The following CFAP99 variants were observed in gnomAD, a reference collection of about 807,000 sequenced individuals.
CFAP99 encodes the protein cilia and flagella associated protein 99, also known as cilia- and flagella-associated protein 99.
A neutral mutation model predicts 82.7 loss-of-function variants in CFAP99; 84 were observed. The ratio of observed to expected loss-of-function variants is 1.02; its 90% CI spans 0.85 to 1.22. The LOEUF is 1.22. Among genes scored for constraint, CFAP99 ranks in the 50% most tolerant of loss-of-function variants. CFAP99 has a pLI of 0.00. For missense variants in CFAP99, 1,059 were observed against 983.5 expected (o/e 1.08, Z -1.03); for synonymous variants, 456 against 429.5 (o/e 1.06, Z -0.76).
chr4:2,423,652 G>A (rs1733626796), intron 1 of CFAP99, among the ~76,000 whole-genome samples: 1 of 152,152 alleles, frequency 6.6e-6, no homozygotes, highest in African/African-American at 2.4e-5. Context: ...TGAAGGGGGT[G>A]GGAACCCTCA....
intron 8 of CFAP99, chr4:2,450,395 GGAGCACGGCCCCGCTGGGT>G (rs1228671476): frequency 3.3e-6 from 1 of 305,420 alleles, no homozygotes; most frequent in East Asian, 7.9e-5. Context: ...GGCTCACTCA[GGAGCACGGCCCCGCTGGGT>G]GGCAAGGGTC....
intron 1 of CFAP99, 125 bp from the exon 2 acceptor site, chr4:2,426,334 C>G: frequency 1.5e-6 from 1 of 658,928 alleles, no homozygotes; most frequent in Admixed American, 2.2e-5. Flanking sequence ...GCCAGGGCCC[C>G]CAGTCACATC....
chr4:2,462,530 G>A lies in CFAP99; in HGVS notation c.1749G>A (p.Glu583=). 1.4e-6 allele frequency: 2 copies of A among 1,471,758 alleles called. No homozygotes were observed. Among genetic ancestry groups the A allele is most frequent in the Non-Finnish European group, 1.8e-6 (2 of 1,119,530 alleles). The allele number at this position is 1,471,758 out of a possible 1,614,324, so 91.2% of individuals were successfully genotyped here. ...AGCAGCTGCGGCGCAGGATCTCGGA[G>A]AGGGCGGCCGAGCGCAGCAGGCAGG... Residue 583 remains glutamate (E), a synonymous_variant, in exon 15 of 15, where the codon GAG becomes GAA. Coordinates refer to ENST00000635017, the Ensembl canonical transcript of CFAP99. The surrounding 1 kb of genome is among the most constrained non-coding windows in gnomAD (Gnocchi z 4.1).
At chr4:2,426,390 C>T (rs1021560608) in intron 1 of CFAP99, 69 bp from the exon 2 acceptor site, 22 of 963,462 alleles carry the variant, frequency 2.3e-5, no homozygotes, top group South Asian at 4.2e-5. Flanking sequence ...AGACTCCTGT[C>T]GCTGCTGGGG....
At chr4:2,449,245 C>A (rs919125441) in intron 6 of CFAP99, among the ~76,000 whole-genome samples, 2 of 152,064 alleles carry the variant, frequency 1.3e-5, no homozygotes, top group African/African-American at 4.8e-5. Context: ...CCCCTCCCGA[C>A]AGCTTACTTT....
In CFAP99 at chr4:2,460,162, C is replaced by T. The variant is rs1168571039; in HGVS notation, c.1581C>T (p.His527=). The stretch of plus-strand genomic sequence containing the variant: ...GGGATCAAATCATTCAGGGCAAGCA[C>T]ACCAAGAGCCAGGAACTGCAGAACA... The change falls in exon 14 of 15, where the codon CAC becomes CAT. Residue 527 remains histidine (H), a synonymous_variant. Coordinates refer to ENST00000635017, the Ensembl canonical transcript of CFAP99. 4.6e-6 allele frequency: 7 copies of T among 1,535,994 alleles called. No homozygotes were observed. In the Admixed American group the frequency reaches 1.2e-4, roughly 26 times the overall value.
exon 6 of CFAP99, chr4:2,445,286 C>T (rs766292811): frequency 3.7e-6 from 5 of 1,366,034 alleles, no homozygotes; most frequent in East Asian, 2.9e-5. Context: ...GAACCAGTCC[C>T]GGTCGTGGCC....
Position 2,462,331 on chromosome 4 carries a change from C to A in CFAP99, c.1662-112C>A. On this transcript the variant is annotated intron_variant, in intron 14 of 14. Transcript: ENST00000635017. This position sits in a 1 kb window ranked among gnomAD's most constrained non-coding sequence, Gnocchi z 4.1. ...TCTGTCCTAAATCATTCCGGTGAAC[C>A]TCTCCGGCTGCGTAGCTCCTTGCCC... 1 of 1,098,696 alleles carries A rather than the reference C, an allele frequency of 9.1e-7. No individual in the cohort carries two copies. Among genetic ancestry groups the A allele is most frequent in the Non-Finnish European group, 1.2e-6 (1 of 829,632 alleles). The allele number at this position is 1,098,696 out of a possible 1,614,324, so 68.1% of individuals were successfully genotyped here.
rs1416262876 is a variant in CFAP99, at chr4:2,448,427, C to G, written c.643-1243C>G. Among the ~76,000 whole-genome samples, 2 of 152,246 alleles carry G rather than the reference C, an allele frequency of 1.3e-5. No individual in the cohort carries two copies. Among genetic ancestry groups the G allele is most frequent in the East Asian group, 1.9e-4 (1 of 5,194 alleles). On this transcript the variant is annotated intron_variant, in intron 6 of 14. Coordinates refer to ENST00000635017, the Ensembl canonical transcript of CFAP99. This position sits in a 1 kb window ranked among gnomAD's most constrained non-coding sequence, Gnocchi z 5.2. ...GGCTGTGCTGAAACTATCCTCTACC[C>G]TCCCTGCCCTGCCCCATGCCTAAGA...
intron 3 of CFAP99, among the ~76,000 whole-genome samples, chr4:2,437,771 G>C (rs1363990142): frequency 4.6e-5 from 7 of 152,230 alleles, no homozygotes; most frequent in Non-Finnish European, 8.8e-5. Context: ...TGACGATTCA[G>C]CTGCTCAGAA....
chr4:2,434,356 A>C (rs1450100910), intron 2 of CFAP99, among the ~76,000 whole-genome samples: 1 of 152,154 alleles, frequency 6.6e-6, no homozygotes, highest in Non-Finnish European at 1.5e-5. Context: ...CCATAGGGGA[A>C]CTGCACCCTG....
intron 1 of CFAP99, among the ~76,000 whole-genome samples, chr4:2,419,941 C>CT (rs1179461981): frequency 2.6e-5 from 4 of 152,118 alleles, no homozygotes; most frequent in Non-Finnish European, 5.9e-5. Context: ...AACCACTCCT[C>CT]TGAAGCTCTT....
chr4:2,461,734 G>C (rs1292083583), intron 14 of CFAP99, among the ~76,000 whole-genome samples: 7 of 152,142 alleles, frequency 4.6e-5, no homozygotes, highest in Non-Finnish European at 1.0e-4. Flanking sequence ...TGGAGACAGG[G>C]AACAGCACAT....
At chr4:2,447,549 A>C (rs1734192120) in intron 6 of CFAP99, among the ~76,000 whole-genome samples, 1 of 150,900 alleles carries the variant, frequency 6.6e-6, no homozygotes, top group Admixed American at 6.6e-5. Context: ...GGATGAACAG[A>C]TGGGTGGATG....
At chr4:2,454,689 T>C (rs1578481445) in intron 11 of CFAP99, among the ~76,000 whole-genome samples, 2 of 150,682 alleles carry the variant, frequency 1.3e-5, no homozygotes, top group Non-Finnish European at 3.0e-5. Context: ...TGGGTTGATC[T>C]CAGCTCAGTG....
At chr4:2,426,650 T>G in intron 2 of CFAP99, 64 bp downstream of exon 2, 2 of 1,046,996 alleles carry the variant, frequency 1.9e-6, no homozygotes, top group Non-Finnish European at 2.8e-6. Flanking sequence ...GCTGTTCTGG[T>G]TAACAGCATC....
At chr4:2,424,042 G>T (rs1349405664) in intron 1 of CFAP99, among the ~76,000 whole-genome samples, 2 of 152,240 alleles carry the variant, frequency 1.3e-5, no homozygotes, top group Non-Finnish European at 2.9e-5. Flanking sequence ...CAAATTCCAA[G>T]CGGCCTTTCT....
rs1011853863 is a variant in CFAP99, at chr4:2,449,736, C to A, written c.709C>A (p.Arg237Ser). Residue 237 changes from arginine (R) to serine (S), a missense_variant, in exon 7 of 15, where the codon CGC (arginine) becomes AGC (serine). Arg to Ser is a moderately radical substitution (Grantham distance 110). Coordinates refer to ENST00000635017, the Ensembl canonical transcript of CFAP99. ...GCTGGAGACAGTCAAGAGGTACAAC[C>A]GCCGAAAGGCCGAGGTGAGCTGTGT... 3.3e-6 allele frequency: 5 copies of A among 1,536,176 alleles called. No homozygotes were observed. In the Admixed American group the frequency reaches 7.8e-5, roughly 24 times the overall value.
intron 12 of CFAP99, 121 bp downstream of exon 12, chr4:2,458,985 C>T (rs1713078481): frequency 6.9e-7 from 1 of 1,444,016 alleles, no homozygotes; most frequent in Non-Finnish European, 9.1e-7. Flanking sequence ...TTGAGGGAGG[C>T]ACTCCCAGGT....
Sources: gnomAD v4.1 joint callset for allele counts (sites outside exome capture counted in the v4.1 genomes callset) on GRCh38, gnomAD v4.1.1 for gene constraint, Gnocchi (gnomAD v3.1) non-coding constraint, MANE v1.5 for transcripts, NCBI Gene and HGNC (gene_info 2026-07-23, HGNC 2026-07-21) for gene names.